INPP4B: variants seen among roughly 807,000 people sequenced by gnomAD.
The protein encoded by INPP4B is inositol polyphosphate-4-phosphatase type II B, also known as inositol polyphosphate 4-phosphatase type II.
INPP4B carries 55 observed loss-of-function variants against 122.5 expected under a neutral mutation model. The observed-to-expected ratio is 0.45, with a 90% CI of 0.36 to 0.56. INPP4B has a LOEUF of 0.56. INPP4B is among the 20% of genes least tolerant of loss of function. The pLI is 0.00. For missense variants in INPP4B, 1,000 were observed against 1,097.7 expected, an observed-to-expected ratio of 0.91 and a Z score of 1.26; for synonymous variants, 403 against 388.7, an observed-to-expected ratio of 1.04 and a Z score of -0.43.
chr4:142,712,666 A>G (rs768810003), intron 2 of INPP4B, among the ~76,000 whole-genome samples: 1 of 152,198 alleles, frequency 6.6e-6, no homozygotes, highest in Non-Finnish European at 1.5e-5. Context: ...TTTATTCACT[A>G]CTATAGCATT....
chr4:142,397,602 G>A (rs906433954), intron 7 of INPP4B, among the ~76,000 whole-genome samples: 2 of 152,138 alleles, frequency 1.3e-5, no homozygotes, highest in African/African-American at 4.8e-5. Context: ...CACTTTGGGA[G>A]GCCGAAGCGG....
At chr4:142,622,646 A>G (rs762654481) in intron 2 of INPP4B, among the ~76,000 whole-genome samples, 1 of 151,952 alleles carries the variant, frequency 6.6e-6, no homozygotes, top group Non-Finnish European at 1.5e-5. Flanking sequence ...AAACTCAAAG[A>G]CAATTAATGA....
chr4:142,377,326 TAA>T (rs536209789), intron 7 of INPP4B, among the ~76,000 whole-genome samples: 2 of 144,156 alleles, frequency 1.4e-5, no homozygotes, highest in African/African-American at 2.5e-5. Context: ...TGAGGAAAGT[TAA>T]AAAAAAAAAA....
intron 2 of INPP4B, among the ~76,000 whole-genome samples, chr4:142,576,325 T>C (rs978753164): frequency 1.3e-5 from 2 of 151,982 alleles, no homozygotes; most frequent in African/African-American, 4.8e-5. Flanking sequence ...CAACTTCACT[T>C]ACATTTCAAG....
At chr4:142,185,643 G>C (rs1233717923) in intron 15 of INPP4B, among the ~76,000 whole-genome samples, 2 of 151,722 alleles carry the variant, frequency 1.3e-5, no homozygotes, top group African/African-American at 4.8e-5. Flanking sequence ...ACTTCGAGAG[G>C]CCGAGGCGGG....
chr4:142,465,308 A>G lies in INPP4B; in HGVS notation c.-190-2582T>C, dbSNP rs188837803. ...CTCCCATCATGTAGCAAGAACCAGT[A>G]TTTACTAAAACCCAATGAAGTGTAT... is the stretch of plus-strand genomic sequence containing the variant. On this transcript the variant is annotated intron_variant, in intron 2 of 25. Coordinates refer to ENST00000262992, the MANE Select transcript of INPP4B (RefSeq NM_001101669.3). Among the ~76,000 whole-genome samples, 163 of 152,250 alleles carry G rather than the reference A, an allele frequency of 1.1e-3. 1 individual carries two copies. The highest frequency in any genetic ancestry group is 2.1e-3 in the Non-Finnish European group (145 of 68,014).
intron 2 of INPP4B, among the ~76,000 whole-genome samples, chr4:142,598,739 G>A (rs554589180): frequency 2.0e-5 from 3 of 152,292 alleles, no homozygotes; most frequent in African/African-American, 7.2e-5. Context: ...TTTTGTGCTT[G>A]GCCTTGTAAG....
At chr4:142,203,896 T>A (rs1028961978) in intron 14 of INPP4B, among the ~76,000 whole-genome samples, 10 of 152,206 alleles carry the variant, frequency 6.6e-5, no homozygotes, top group Admixed American at 4.6e-4. Context: ...TGCCAAGGCT[T>A]AGCCCATCTT....
chr4:142,261,173 A>G (rs982132849), intron 10 of INPP4B, among the ~76,000 whole-genome samples: 2 of 152,226 alleles, frequency 1.3e-5, no homozygotes, highest in Non-Finnish European at 2.9e-5. Flanking sequence ...GATACAGAAG[A>G]GCACATGGAC....
intron 3 of INPP4B, among the ~76,000 whole-genome samples, chr4:142,448,254 T>C (rs1418425657): frequency 6.8e-6 from 1 of 147,520 alleles, no homozygotes; most frequent in Non-Finnish European, 1.5e-5. Flanking sequence ...GCTACACACC[T>C]ATGGCCCTTG....
At chr4:142,419,484 T>A (rs552052417) in intron 5 of INPP4B, among the ~76,000 whole-genome samples, 1 of 152,234 alleles carries the variant, frequency 6.6e-6, no homozygotes, top group South Asian at 2.1e-4. Context: ...CTGAGAATAA[T>A]CTCTTTGTCA....
chr4:142,644,726 A>G (rs1751336853), intron 2 of INPP4B, among the ~76,000 whole-genome samples: 1 of 138,896 alleles, frequency 7.2e-6, no homozygotes, highest in African/African-American at 2.7e-5. Context: ...ACATGGCAAA[A>G]CCCCATCTCT....
chr4:142,047,892 G>A (rs1752431246), intron 25 of INPP4B, among the ~76,000 whole-genome samples: 1 of 152,020 alleles, frequency 6.6e-6, no homozygotes, highest in South Asian at 2.1e-4. Flanking sequence ...TGCCACTGTG[G>A]CTGCTGTTGC....
In INPP4B at chr4:142,517,861, C is replaced by T. The variant is rs540468655; in HGVS notation, c.-190-55135G>A. Among the ~76,000 whole-genome samples, 3 of 152,280 alleles carry T rather than the reference C, an allele frequency of 2.0e-5. No individual in the cohort carries two copies. The South Asian group carries it at 6.2e-4, about 32-fold the overall frequency. Reference sequence around the variant, plus strand: ...GGTTTCTATATTGAAAGTACAGATTCATAGCTAAAATTCAGCAGGTCTGGT... The same window carrying T: ...GGTTTCTATATTGAAAGTACAGATTTATAGCTAAAATTCAGCAGGTCTGGT... On this transcript the variant is annotated intron_variant, in intron 2 of 25. Coordinates refer to ENST00000262992, the MANE Select transcript of INPP4B (RefSeq NM_001101669.3).
chr4:142,582,406 G>A (rs1735300408), intron 2 of INPP4B, among the ~76,000 whole-genome samples: 1 of 152,086 alleles, frequency 6.6e-6, no homozygotes, highest in African/African-American at 2.4e-5. Flanking sequence ...CAAGTGGGTG[G>A]TAAAAACCCA....
At chr4:142,258,885 C>G (rs547802246) in intron 11 of INPP4B, among the ~76,000 whole-genome samples, 1 of 152,192 alleles carries the variant, frequency 6.6e-6, no homozygotes, top group Admixed American at 6.5e-5. Context: ...AATCATGCTG[C>G]TATAAAGACA....
intron 6 of INPP4B, among the ~76,000 whole-genome samples, chr4:142,403,273 C>A (rs1297061194): frequency 6.6e-6 from 1 of 152,222 alleles, no homozygotes; most frequent in Non-Finnish European, 1.5e-5. Context: ...AATGAACCTG[C>A]ATCATTGTCA....
At chr4:142,376,847 A>T (rs1240519768) in intron 7 of INPP4B, among the ~76,000 whole-genome samples, 2 of 152,188 alleles carry the variant, frequency 1.3e-5, no homozygotes, top group East Asian at 3.9e-4. Flanking sequence ...TCCACATGGT[A>T]ATACGACAAG....
At position 142,618,585 on chromosome 4, in the gene INPP4B, T is replaced by A. The variant is rs566732030; in HGVS notation, c.-191+107254A>T. On this transcript the variant is annotated intron_variant, in intron 2 of 25. Transcript: ENST00000262992. ...TCCACTATACACATACACACAAAAA[T>A]CTCAAAATGGATTAAACACTTAAAA... is the stretch of plus-strand genomic sequence containing the variant. Among the ~76,000 whole-genome samples, 3 of 151,932 alleles carry A rather than the reference T, an allele frequency of 2.0e-5. No homozygotes were observed. The South Asian group carries it at 6.2e-4, about 32-fold the overall frequency.
Sources: allele counts gnomAD v4.1 joint callset (sites outside exome capture counted in the v4.1 genomes callset), GRCh38; gene constraint gnomAD v4.1.1; transcripts MANE v1.5; gene names NCBI Gene and HGNC (gene_info 2026-07-23, HGNC 2026-07-21).